The following GPATCH2 variants were observed in gnomAD, a reference collection of about 807,000 sequenced individuals.
GPATCH2 encodes the protein G-patch domain containing 2, also known as G patch domain-containing protein 2.
GPATCH2 carries 51 observed loss-of-function variants against 58.0 expected under a neutral mutation model. The ratio of observed to expected loss-of-function variants is 0.88; its 90% CI spans 0.70 to 1.11. The LOEUF (loss-of-function observed/expected upper bound fraction) is 1.11. Ranked by LOEUF, GPATCH2 falls within the 50% of genes most tolerant of loss-of-function variation. The pLI, the probability that GPATCH2 is intolerant of heterozygous loss-of-function variation, is 0.00. For synonymous variants in GPATCH2, 222 were observed against 218.5 expected (o/e 1.02, Z -0.14); for missense variants, 625 against 652.2 (o/e 0.96, Z 0.45).
At chr1:217,448,417 T>A (rs1659494034) in intron 9 of GPATCH2, among the ~76,000 whole-genome samples, 1 of 152,188 alleles carries the variant, frequency 6.6e-6, no homozygotes, top group Admixed American at 6.5e-5. Context: ...GCATCACAAA[T>A]CCATTATGGC....
intron 8 of GPATCH2, among the ~76,000 whole-genome samples, chr1:217,475,888 CAG>C (rs1331584984): frequency 6.6e-6 from 1 of 151,830 alleles, no homozygotes; most frequent in Non-Finnish European, 1.5e-5. Flanking sequence ...AAATCCCACA[CAG>C]GGGATATATG....
At chr1:217,518,040 T>C (rs1004705145) in intron 5 of GPATCH2, among the ~76,000 whole-genome samples, 4 of 152,148 alleles carry the variant, frequency 2.6e-5, no homozygotes, top group African/African-American at 9.7e-5. Flanking sequence ...GATTCATTTG[T>C]TAAATATTAC....
At chr1:217,516,223 T>A (rs1663142055) in intron 5 of GPATCH2, among the ~76,000 whole-genome samples, 1 of 39,266 alleles carries the variant, frequency 2.5e-5, no homozygotes, top group Non-Finnish European at 4.2e-5. Context: ...TATGTTCCAT[T>A]TTAATTTTAA....
chr1:217,491,744 G>T lies in GPATCH2; in HGVS notation c.1213C>A (p.Leu405Ile). 7.2e-7 allele frequency: 1 copy of T among 1,387,642 alleles called. No homozygotes were observed. Among genetic ancestry groups the T allele is most frequent in the Non-Finnish European group, 1.0e-6 (1 of 989,626 alleles). 86.0% of individuals were successfully genotyped at this position (1,387,642 alleles called of 1,614,324 possible). A position where few individuals can be genotyped will look rare whatever the true frequency, so the allele number is the denominator to read the frequency against. Residue 405 changes from leucine to isoleucine, a missense_variant, in exon 8 of 10, where the codon CTT becomes ATT. Leu to Ile is a conservative substitution (Grantham distance 5, BLOSUM62 2). Coordinates refer to ENST00000366935, the MANE Select transcript of GPATCH2 (RefSeq NM_018040.5). Reference sequence around the variant, plus strand: ...CTTTCAGCTCGATTATCTCTCAGAAGCTGATGCTACACAAAGTGTTAAGAC... The same window carrying T: ...CTTTCAGCTCGATTATCTCTCAGAATCTGATGCTACACAAAGTGTTAAGAC... ...GARTEHDQHQ[L>I]LRDNRAERGH...
At chr1:217,462,507 A>G (rs530119126) in intron 8 of GPATCH2, among the ~76,000 whole-genome samples, 1 of 148,474 alleles carries the variant, frequency 6.7e-6, no homozygotes, top group South Asian at 2.1e-4. Flanking sequence ...AAATAAGACT[A>G]AAAAACAAAA....
At chr1:217,567,989 C>T (rs564641669) in intron 5 of GPATCH2, among the ~76,000 whole-genome samples, 6 of 152,140 alleles carry the variant, frequency 3.9e-5, no homozygotes, top group African/African-American at 7.2e-5. Context: ...CGGTGGCGGG[C>T]GCCTGCAGTC....
chr1:217,614,243 T>A, intron 2 of GPATCH2, 41 bp from the exon 3 acceptor site: 1 of 1,178,998 alleles, frequency 8.5e-7, no homozygotes, highest in African/African-American at 1.5e-5. Flanking sequence ...AAAAGAACAA[T>A]TGATCTCTCA....
At chr1:217,580,162 T>A (rs1178002846) in intron 5 of GPATCH2, among the ~76,000 whole-genome samples, 7 of 152,218 alleles carry the variant, frequency 4.6e-5, no homozygotes, top group African/African-American at 1.7e-4. Flanking sequence ...CTTACTATAG[T>A]TAAAATTTAT....
chr1:217,502,348 T>G (rs1470323096), intron 6 of GPATCH2, among the ~76,000 whole-genome samples: 1 of 152,098 alleles, frequency 6.6e-6, no homozygotes, highest in Non-Finnish European at 1.5e-5. Flanking sequence ...TTCCAACCTA[T>G]GAACCATGAA....
chr1:217,607,897 G>A (rs1668436995), intron 5 of GPATCH2, among the ~76,000 whole-genome samples: 2 of 152,178 alleles, frequency 1.3e-5, no homozygotes, highest in South Asian at 4.1e-4. Flanking sequence ...GAAACCTTTT[G>A]TTGGCCTTCT....
intron 8 of GPATCH2, among the ~76,000 whole-genome samples, chr1:217,473,253 T>C (rs940181921): frequency 1.3e-5 from 2 of 151,164 alleles, no homozygotes; most frequent in Middle Eastern, 3.2e-3. Flanking sequence ...AAAAAACACT[T>C]AGGTGCATTG....
At chr1:217,616,462 G>A (rs17046653) in intron 2 of GPATCH2, among the ~76,000 whole-genome samples, 6,057 of 152,088 alleles carry the variant, frequency 0.04, 135 homozygotes, top group South Asian at 0.063. Context: ...CCAAGCTCTT[G>A]AAGATATAAG....
intron 8 of GPATCH2, among the ~76,000 whole-genome samples, chr1:217,490,220 G>A (rs950067915): frequency 1.3e-5 from 2 of 152,136 alleles, no homozygotes; most frequent in African/African-American, 4.8e-5. Context: ...TGGCCTTACC[G>A]ATGCTACTGA....
chr1:217,553,418 T>C (rs1463328547), intron 5 of GPATCH2, among the ~76,000 whole-genome samples: 1 of 152,106 alleles, frequency 6.6e-6, no homozygotes, highest in Non-Finnish European at 1.5e-5. Context: ...ATTAATTTCA[T>C]CACAGGACTA....
chr1:217,454,737 C>G (rs1659862207), intron 8 of GPATCH2, among the ~76,000 whole-genome samples: 1 of 151,680 alleles, frequency 6.6e-6, no homozygotes, highest in African/African-American at 2.4e-5. Flanking sequence ...CTCAGCACCA[C>G]GCCCACCCTC....
At chr1:217,451,952 C>G (rs966879802) in intron 8 of GPATCH2, among the ~76,000 whole-genome samples, 3 of 152,196 alleles carry the variant, frequency 2.0e-5, no homozygotes, top group African/African-American at 7.2e-5. Flanking sequence ...AGAGTTTGCT[C>G]TGTTCAGGGA....
chr1:217,566,492 CATT>C (rs1467388543), intron 5 of GPATCH2, among the ~76,000 whole-genome samples: 1 of 152,082 alleles, frequency 6.6e-6, no homozygotes, highest in Non-Finnish European at 1.5e-5. Context: ...ACAGGCACAG[CATT>C]ATTAATTTTT....
intron 5 of GPATCH2, among the ~76,000 whole-genome samples, chr1:217,543,262 T>C (rs1329189018): frequency 1.4e-5 from 2 of 146,724 alleles, no homozygotes; most frequent in Non-Finnish European, 3.0e-5. Context: ...AGCATGATGA[T>C]GCGAACGTTT....
At chr1:217,532,534 C>CATAG (rs1664244175) in intron 5 of GPATCH2, among the ~76,000 whole-genome samples, 1 of 152,104 alleles carries the variant, frequency 6.6e-6, no homozygotes, top group Non-Finnish European at 1.5e-5. Context: ...ATGGGACTGA[C>CATAG]ATTTTACTCT....
Sources: gnomAD v4.1 joint callset for allele counts (sites outside exome capture counted in the v4.1 genomes callset) on GRCh38, gnomAD v4.1.1 for gene constraint, MANE v1.5 for transcripts, NCBI Gene and HGNC (gene_info 2026-07-23, HGNC 2026-07-21) for gene names.